Variants in NPTN observed in about 807,000 individuals in gnomAD.
The protein encoded by NPTN is neuroplastin.
NPTN carries 5 observed loss-of-function variants against 42.7 expected under a neutral mutation model. The observed-to-expected ratio is 0.12, with a 90% CI of 0.06 to 0.25. The LOEUF is 0.25. Ranked by LOEUF, NPTN falls within the 10% of genes least tolerant of loss-of-function variation. The pLI, the probability that NPTN is intolerant of heterozygous loss-of-function variation, is 1.00. For missense variants in NPTN, 307 were observed against 525.4 expected (o/e 0.58, Z 4.06); for synonymous variants, 180 against 201.9 (o/e 0.89, Z 0.92).
At position 73,570,330 on chromosome 15, in the gene NPTN, C is replaced by T; in HGVS notation, c.934G>A (p.Gly312Ser). 1 of 1,614,182 alleles carries T rather than the reference C, an allele frequency of 6.2e-7. No homozygotes were observed. The highest frequency in any genetic ancestry group is 8.5e-7 in the Non-Finnish European group (1 of 1,180,050). ...IVNLQITEDP[G>S]EYECNATNAI... ...TTGGTGGCATTACATTCATACTCGC[C>T]AGGGTCTTCCGTGATCTGCAGGTTC... Residue 312 changes from glycine to serine, a missense_variant, in exon 6 of 9, where the codon GGC (glycine) becomes AGC (serine). Transcript: ENST00000345330. This position sits in a 1 kb window ranked among gnomAD's most constrained non-coding sequence, Gnocchi z 4.0.
intron 1 of NPTN, among the ~76,000 whole-genome samples, chr15:73,605,330 T>C (rs77343914): frequency 0.04 from 6,050 of 151,264 alleles, 161 homozygotes; most frequent in South Asian, 0.082. Flanking sequence ...TTAAATGAGG[T>C]AAGGCTGCCA....
chr15:73,616,207 T>A (rs1897854730), intron 1 of NPTN, among the ~76,000 whole-genome samples: 1 of 152,118 alleles, frequency 6.6e-6, no homozygotes, highest in African/African-American at 2.4e-5. Context: ...ACTGACCAAG[T>A]ACATTATGAA....
chr15:73,565,602 G>A (rs757222717), intron 6 of NPTN, among the ~76,000 whole-genome samples: 1 of 152,060 alleles, frequency 6.6e-6, no homozygotes, highest in Non-Finnish European at 1.5e-5. Context: ...CATAGTAACC[G>A]ACAAATATCA....
In NPTN at chr15:73,633,364, T is replaced by C. The variant is rs1409417244; in HGVS notation, c.-149A>G. 9 of 530,392 alleles carry C rather than the reference T, an allele frequency of 1.7e-5. No homozygotes were observed. The highest frequency in any genetic ancestry group is 6.2e-6 in the Non-Finnish European group (2 of 323,938). 32.9% of individuals were successfully genotyped at this position (530,392 alleles called of 1,614,324 possible). Reference sequence around the variant, plus strand: ...TCGGCTCCGTCCTTCCCCGTCCTCCTCCTGCCGCCGCAGCGCCCAGGCCTC... The same window carrying C: ...TCGGCTCCGTCCTTCCCCGTCCTCCCCCTGCCGCCGCAGCGCCCAGGCCTC... On this transcript the variant is annotated 5_prime_UTR_variant, in exon 1 of 9. Transcript: ENST00000345330.
chr15:73,611,093 C>G (rs1454436643), intron 1 of NPTN, among the ~76,000 whole-genome samples: 2 of 152,200 alleles, frequency 1.3e-5, no homozygotes, highest in Non-Finnish European at 2.9e-5. Context: ...TATACAGTTA[C>G]ACTGAGCCAG....
intron 1 of NPTN, among the ~76,000 whole-genome samples, chr15:73,619,337 G>A (rs936364972): frequency 2.0e-5 from 3 of 152,108 alleles, no homozygotes; most frequent in African/African-American, 7.2e-5. Flanking sequence ...TTTACAAGAA[G>A]CAAGAAAATG....
In NPTN at chr15:73,569,562, C is replaced by A. The variant is rs72741478; in HGVS notation, c.1114+588G>T. 11 of 985,300 alleles carry A rather than the reference C, an allele frequency of 1.1e-5. No homozygotes were observed. Among genetic ancestry groups the A allele is most frequent in the Non-Finnish European group, 1.2e-6 (1 of 829,940 alleles). The allele number at this position is 985,300 out of a possible 1,614,324, so 61.0% of individuals were successfully genotyped here. On this transcript the variant is annotated intron_variant, in intron 6 of 8. Coordinates refer to ENST00000345330, the MANE Select transcript of NPTN (RefSeq NM_012428.4). The surrounding 1 kb of genome is among the most constrained non-coding windows in gnomAD (Gnocchi z 4.1). Reference sequence around the variant, plus strand: ...CTGTGAGACACAGATGGAAAGCCACCCAGCAGAGAGCGCTGGAAACCTATC... The same window carrying A: ...CTGTGAGACACAGATGGAAAGCCACACAGCAGAGAGCGCTGGAAACCTATC...
At chr15:73,592,478 C>T (rs930877640) in intron 2 of NPTN, among the ~76,000 whole-genome samples, 5 of 152,186 alleles carry the variant, frequency 3.3e-5, no homozygotes, top group Admixed American at 2.6e-4. Context: ...ATTAGACAAC[C>T]AGGCTCCACC....
intron 6 of NPTN, chr15:73,565,652 A>G (rs1316645219): frequency 4.7e-6 from 2 of 422,348 alleles, no homozygotes; most frequent in Non-Finnish European, 9.7e-6. Flanking sequence ...AGCCAGCTTA[A>G]ACAATGACTG....
chr15:73,592,800 G>A (rs1389920328), intron 2 of NPTN, among the ~76,000 whole-genome samples: 2 of 152,166 alleles, frequency 1.3e-5, no homozygotes, highest in African/African-American at 4.8e-5. Flanking sequence ...GTTGTTTTCA[G>A]AATTGCACTT....
intron 6 of NPTN, chr15:73,567,951 C>G (rs569839281): frequency 2.0e-6 from 2 of 985,378 alleles, no homozygotes; most frequent in Non-Finnish European, 1.2e-6. Context: ...CTTACCCTGC[C>G]GTCATCTCTT....
chr15:73,565,762 G>T (rs1894952630), intron 6 of NPTN: 1 of 456,352 alleles, frequency 2.2e-6, no homozygotes, highest in Admixed American at 2.3e-5. Context: ...TTATGAGAGT[G>T]AAGTTACCGG....
chr15:73,576,135 A>G (rs1184893050), intron 4 of NPTN, among the ~76,000 whole-genome samples: 1 of 152,152 alleles, frequency 6.6e-6, no homozygotes, highest in African/African-American at 2.4e-5. Flanking sequence ...AGGACCCAGC[A>G]TGCCCGAAGG....
In NPTN at chr15:73,567,240, A is replaced by AGTT. The variant is rs540673840; in HGVS notation, c.1114+2907_1114+2909dup. The AGTT allele has an allele frequency of 8.0e-5, 79 of 985,448 alleles. No homozygotes were observed. The South Asian group carries it at 3.1e-3, about 39-fold the overall frequency. The allele number at this position is 985,448 out of a possible 1,614,324, so 61.0% of individuals were successfully genotyped here. A position where few individuals can be genotyped will look rare whatever the true frequency, so the allele number is the denominator to read the frequency against. ...GACGACTGTGCATTCATATAAAAAA[A>AGTT]GTTCAGTGAGTCTGAAATGAGCCAT... is the stretch of plus-strand genomic sequence containing the variant. On this transcript the variant is annotated intron_variant, in intron 6 of 8. Coordinates refer to ENST00000345330, the MANE Select transcript of NPTN (RefSeq NM_012428.4).
At chr15:73,588,137 G>A (rs1896410653) in intron 3 of NPTN, among the ~76,000 whole-genome samples, 1 of 152,152 alleles carries the variant, frequency 6.6e-6, no homozygotes, top group Non-Finnish European at 1.5e-5. Flanking sequence ...CTACTCGGGA[G>A]GCTGAGGCAG....
chr15:73,604,536 C>T (rs988499946), intron 1 of NPTN, among the ~76,000 whole-genome samples: 5 of 152,270 alleles, frequency 3.3e-5, no homozygotes, highest in African/African-American at 1.2e-4. Flanking sequence ...CAGGGGTCTT[C>T]CAGACCCTGA....
chr15:73,627,648 A>T (rs952718839), intron 1 of NPTN, among the ~76,000 whole-genome samples: 1 of 152,242 alleles, frequency 6.6e-6, no homozygotes, highest in Non-Finnish European at 1.5e-5. Context: ...CAAATTAATA[A>T]GAGTTGATTG....
chr15:73,591,325 C>T lies in NPTN; in HGVS notation c.611+641G>A, dbSNP rs1348978391. Among the ~76,000 whole-genome samples, 3 of 152,216 alleles carry T rather than the reference C, an allele frequency of 2.0e-5. No homozygotes were observed. In the East Asian group the frequency reaches 5.8e-4, roughly 29 times the overall value. Reference sequence around the variant, plus strand: ...TTTCCAGACAGCCTTCAACCAGGAACAAACTATTCTGCAAGGTGGGGTGCC... The same window carrying T: ...TTTCCAGACAGCCTTCAACCAGGAATAAACTATTCTGCAAGGTGGGGTGCC... On this transcript the variant is annotated intron_variant, in intron 3 of 8. Transcript: ENST00000345330.
intron 1 of NPTN, among the ~76,000 whole-genome samples, chr15:73,617,302 T>A (rs1391874268): frequency 6.6e-6 from 1 of 152,204 alleles, no homozygotes; most frequent in Non-Finnish European, 1.5e-5. Context: ...ACCAAAGTAT[T>A]ATTTGAAGTT....
Sources: allele counts gnomAD v4.1 joint callset (sites outside exome capture counted in the v4.1 genomes callset), GRCh38; gene constraint gnomAD v4.1.1; non-coding constraint Gnocchi (gnomAD v3.1); transcripts MANE v1.5; gene names NCBI Gene and HGNC (gene_info 2026-07-23, HGNC 2026-07-21).